Variants in RIPK3 observed in about 807,000 individuals in gnomAD.
RIPK3 encodes receptor-interacting serine/threonine-protein kinase 3.
A neutral mutation model predicts 51.6 loss-of-function variants in RIPK3; 51 were observed. The ratio of observed to expected loss-of-function variants is 0.99; its 90% confidence interval spans 0.79 to 1.25. The LOEUF (loss-of-function observed/expected upper bound fraction) is 1.25, where lower values mean the gene tolerates loss of function less well. RIPK3 is among the 50% of genes most tolerant of loss of function. RIPK3 has a pLI of 0.00. For synonymous variants in RIPK3, 246 were observed against 257.7 expected (o/e 0.95, Z 0.44); for missense variants, 654 against 650.4 (o/e 1.01, Z -0.06).
At chr14:24,338,066 G>C in intron 5 of RIPK3, 26 bp from the exon 6 acceptor site, 1 of 1,614,076 alleles carries the variant, frequency 6.2e-7, no homozygotes, top group Non-Finnish European at 8.5e-7. Context: ...AGGGTGAGAA[G>C]AGAAGGCATT....
chr14:24,336,483 T>A (rs1324074588), intron 9 of RIPK3, 88 bp from the exon 10 acceptor site: 9 of 1,533,408 alleles, frequency 5.9e-6, no homozygotes, highest in Non-Finnish European at 7.9e-6. Flanking sequence ...AGTCTCTACT[T>A]GTCAGTGGCT....
intron 9 of RIPK3, 187 bp downstream of exon 9, chr14:24,336,698 T>C: frequency 2.8e-6 from 2 of 705,524 alleles, no homozygotes; most frequent in East Asian, 2.7e-5. Context: ...ATCCAAGCTT[T>C]GTTGTGTGAC....
At position 24,337,246 on chromosome 14, in the gene RIPK3, C is replaced by A. The variant is rs773661034; in HGVS notation, c.1115G>T (p.Ser372Ile). The A allele has an allele frequency of 3.1e-6, 5 of 1,613,938 alleles. No individual in the cohort carries two copies. The highest frequency in any genetic ancestry group is 3.4e-6 in the Non-Finnish European group (4 of 1,180,046). Residue 372 changes from serine (S) to isoleucine (I), a missense_variant, in exon 8 of 10, where the codon AGC becomes ATC. Transcript: ENST00000216274. ...TGGAACCTGCTCCTCTTGTGCCCTG[C>A]TCCTCTTGGTAAGGCTCGGGCATTT... ...PKKCPSLTKRSRAQEEQVPQA... is the reference protein window; with the variant it reads ...PKKCPSLTKRIRAQEEQVPQA...
chr14:24,337,061 T>C, intron 8 of RIPK3, 25 bp downstream of exon 8: 1 of 1,611,126 alleles, frequency 6.2e-7, no homozygotes. Context: ...TCTTAGTGCA[T>C]CCCCTAATCC....
chr14:24,339,935 G>C lies in RIPK3; in HGVS notation c.-109C>G, dbSNP rs2042173553. The C allele has an allele frequency of 8.1e-7, 1 of 1,230,324 alleles. No individual in the cohort carries two copies. The highest frequency in any genetic ancestry group is 1.1e-6 in the Non-Finnish European group (1 of 880,186). 76.2% of individuals were successfully genotyped at this position (1,230,324 alleles called of 1,614,324 possible). On this transcript the variant is annotated 5_prime_UTR_variant, in exon 1 of 10. Transcript: ENST00000216274. The surrounding 1 kb of genome is among the most constrained non-coding windows in gnomAD (Gnocchi z 4.0). ...GAGGGGAAGGGGTCTGTCTGTGCAG[G>C]GGTCAGTCTCTAGACCAAGACGGTG...
At position 24,339,265 on chromosome 14, in the gene RIPK3, C is replaced by T. The variant is rs1416987664; in HGVS notation, c.221G>A (p.Arg74His). The change falls in exon 3 of 10, where the codon CGC (arginine) becomes CAC (histidine). Residue 74 changes from arginine to histidine, a missense_variant. Transcript: ENST00000216274. The surrounding 1 kb of genome is among the most constrained non-coding windows in gnomAD (Gnocchi z 4.0). ...CACCTTCTCGATAACCCCTTCTAGG[C>T]GCAGCACGAATTCGTTATCCAGACT... is the stretch of plus-strand genomic sequence containing the variant. ...MASLDNEFVL[R>H]LEGVIEKVNW... 2.5e-6 allele frequency: 4 copies of T among 1,613,986 alleles called. No homozygotes were observed. Among genetic ancestry groups the T allele is most frequent in the Non-Finnish European group, 3.4e-6 (4 of 1,179,960 alleles).
intron 8 of RIPK3, 29 bp downstream of exon 8, chr14:24,337,057 T>C (rs749116578): frequency 3.7e-6 from 6 of 1,610,954 alleles, no homozygotes; most frequent in East Asian, 2.2e-5. Flanking sequence ...GGACTCTTAG[T>C]GCATCCCCTA....
Position 24,338,413 on chromosome 14 carries a change from G to T in RIPK3, c.617+9C>A, listed in dbSNP as rs759543243. 3.1e-6 allele frequency: 5 copies of T among 1,605,924 alleles called. No individual in the cohort carries two copies. The highest frequency in any genetic ancestry group is 1.7e-4 in the Middle Eastern group (1 of 6,044). On this transcript the variant is annotated intron_variant, in intron 4 of 9. Coordinates refer to ENST00000216274, the MANE Select transcript of RIPK3 (RefSeq NM_006871.4). ...AATCCTGGCTGTGTGTTTGGGCCGG[G>T]ATCCTTACCTGTAGACGTCACTGGC... is the stretch of plus-strand genomic sequence containing the variant.
At chr14:24,337,539 A>G in intron 7 of RIPK3, 79 bp from the exon 8 acceptor site, 1 of 1,611,120 alleles carries the variant, frequency 6.2e-7, no homozygotes, top group Non-Finnish European at 8.5e-7. Context: ...CTCGGTCCAT[A>G]ATCTGTTGTC....
chr14:24,337,849 G>A, intron 6 of RIPK3, 24 bp downstream of exon 6: 2 of 1,613,522 alleles, frequency 1.2e-6, no homozygotes, highest in Non-Finnish European at 1.7e-6. Flanking sequence ...GCTTATCCTA[G>A]ATCCAGCTAA....
At position 24,337,457 on chromosome 14, in the gene RIPK3, T is replaced by C; in HGVS notation, c.904A>G (p.Lys302Glu). ...NNMNAAVSTV[K>E]DFLSQLRSSN... ...CTCCTGAGCTGAGACAGGAAATCCT[T>C]TACCTGCAGGGATGGGAGGAGTTTG... Residue 302 changes from lysine to glutamate, a missense_variant, in exon 8 of 10, where the codon AAG (lysine) becomes GAG (glutamate). Physicochemically the swap from Lys to Glu is moderately conservative, Grantham distance 56. Coordinates refer to ENST00000216274, the MANE Select transcript of RIPK3 (RefSeq NM_006871.4). 6.2e-7 allele frequency: 1 copy of C among 1,612,692 alleles called. No homozygotes were observed. The highest frequency in any genetic ancestry group is 8.5e-7 in the Non-Finnish European group (1 of 1,178,962).
Position 24,338,515 on chromosome 14 carries a change from C to A in RIPK3, c.524G>T (p.Gly175Val). The A allele has an allele frequency of 6.2e-7, 1 of 1,613,206 alleles. No homozygotes were observed. The highest frequency in any genetic ancestry group is 8.5e-7 in the Non-Finnish European group (1 of 1,179,306). ...CAGGGTGCCCCCTGGCTCCCCGGACCCTGTCCCTGACTGTGAGCCTCCCTG... is the reference window on the plus strand; with the variant it reads ...CAGGGTGCCCCCTGGCTCCCCGGACACTGTCCCTGACTGTGAGCCTCCCTG... ...TFQGGSQSGT[G>V]SGEPGGTLGY... The change falls in exon 4 of 10, where the codon GGG (glycine) becomes GTG (valine). Residue 175 changes from glycine (G) to valine (V), a missense_variant. Gly to Val is a moderately radical substitution (Grantham distance 109). Transcript: ENST00000216274.
chr14:24,339,477 C>T lies in RIPK3; in HGVS notation c.141G>A (p.Val47=). 6.2e-7 allele frequency: 1 copy of T among 1,614,214 alleles called. No individual in the cohort carries two copies. The highest frequency in any genetic ancestry group is 8.5e-7 in the Non-Finnish European group (1 of 1,180,040). Residue 47 remains valine (V), a synonymous_variant, in exon 2 of 10, where the codon GTG becomes GTA. Transcript: ENST00000216274. The surrounding 1 kb of genome is among the most constrained non-coding windows in gnomAD (Gnocchi z 4.0). The part of the protein sequence containing the change: ...RAQHRKWGYD[V]AVKIVNSKAI... ...CTCACGAGTTTACGATCTTGACCGC[C>T]ACATCGTAGCCCCACTTCCTATGTT... is the stretch of plus-strand genomic sequence containing the variant.
chr14:24,338,360 C>A (rs952383507), intron 4 of RIPK3, 62 bp downstream of exon 4: 2 of 1,563,262 alleles, frequency 1.3e-6, no homozygotes, highest in African/African-American at 1.4e-5. Context: ...TATACATCAT[C>A]CCCTGGGAGG....
Position 24,339,697 on chromosome 14 carries a change from C to T in RIPK3, c.21-100G>A, listed in dbSNP as rs971177782. ...GTTCTCACTGCAATCCCCAGCCTCC[C>T]TCGCCGGCCCCCACCGTCCCCGGAC... On this transcript the variant is annotated intron_variant, in intron 1 of 9. Transcript: ENST00000216274. The surrounding 1 kb of genome is among the most constrained non-coding windows in gnomAD (Gnocchi z 4.0). 3 of 1,583,640 alleles carry T rather than the reference C, an allele frequency of 1.9e-6. No homozygotes were observed. Among genetic ancestry groups the T allele is most frequent in the Middle Eastern group, 1.7e-4 (1 of 5,894 alleles).
chr14:24,339,152 G>A lies in RIPK3; in HGVS notation c.334C>T (p.Arg112Trp), dbSNP rs777875133. 1.9e-6 allele frequency: 3 copies of A among 1,614,194 alleles called. No individual in the cohort carries two copies. The highest frequency in any genetic ancestry group is 2.2e-5 in the South Asian group (2 of 91,088). The change falls in exon 3 of 10, where the codon CGG becomes TGG. Residue 112 changes from arginine to tryptophan, a missense_variant. Physicochemically the swap from Arg to Trp is moderately radical, Grantham distance 101. Coordinates refer to ENST00000216274, the MANE Select transcript of RIPK3 (RefSeq NM_006871.4). The surrounding 1 kb of genome is among the most constrained non-coding windows in gnomAD (Gnocchi z 4.0). ...LSGLLQSQCP[R>W]PWPLLCRLLK... ...AGGCGGCAAAGGAGCGGCCAGGGCC[G>A]AGGGCACTGGGACTGCAGCAGCCCC...
chr14:24,338,982 T>A, intron 3 of RIPK3, 33 bp downstream of exon 3: 2 of 1,572,680 alleles, frequency 1.3e-6, no homozygotes, highest in Non-Finnish European at 1.8e-6. Flanking sequence ...TGGGGCCTTG[T>A]CTTGAGGCTG....
chr14:24,338,963 G>C (rs765807482), intron 3 of RIPK3, 52 bp downstream of exon 3: 2 of 1,473,046 alleles, frequency 1.4e-6, no homozygotes, highest in Admixed American at 3.4e-5. Flanking sequence ...GGCCTGGCTG[G>C]AGCAGCTCTG....
rs56330242 is a variant in RIPK3, at chr14:24,337,401, T to A, written c.960A>T (p.Ser320=). ...SSNRRFSIPE[S]GQGGTEMDGF... ...CATCCATTTCTGTCCCTCCTTGGCC[T>A]GACTCTGGGATAGAAAATCTCCTAT... The change falls in exon 8 of 10, where the codon TCA becomes TCT. Residue 320 remains serine (S), a synonymous_variant. Transcript: ENST00000216274. 4.9e-4 allele frequency: 783 copies of A among 1,613,994 alleles called. No individual in the cohort carries two copies. The highest frequency in any genetic ancestry group is 6.2e-4 in the Non-Finnish European group (734 of 1,180,012).
Sources: gnomAD v4.1 joint callset for allele counts on GRCh38, gnomAD v4.1.1 for gene constraint, Gnocchi (gnomAD v3.1) non-coding constraint, MANE v1.5 for transcripts, NCBI Gene and HGNC (gene_info 2026-07-23, HGNC 2026-07-21) for gene names.